The following GABRB1 variants were observed in gnomAD, a reference collection of about 807,000 sequenced individuals.
GABRB1 encodes gamma-aminobutyric acid type A receptor subunit beta1, also known as gamma-aminobutyric acid receptor subunit beta-1.
In GABRB1, 17 loss-of-function variants were observed where a neutral mutation model predicts 51.6. That is an observed-to-expected ratio of 0.33 (90% CI 0.23 to 0.49). The LOEUF (loss-of-function observed/expected upper bound fraction) is 0.49, where lower values mean the gene tolerates loss of function less well. Ranked by LOEUF, GABRB1 falls within the 20% of genes least tolerant of loss-of-function variation. The pLI is 0.99. For synonymous variants in GABRB1, 247 were observed against 218.9 expected, an observed-to-expected ratio of 1.13 and a Z score of -1.14; for missense variants, 410 against 600.6, an observed-to-expected ratio of 0.68 and a Z score of 3.32.
chr4:47,294,470 C>T (rs373318297), intron 4 of GABRB1, among the ~76,000 whole-genome samples: 20 of 152,242 alleles, frequency 1.3e-4, no homozygotes, highest in African/African-American at 2.7e-4. Flanking sequence ...GCACGTGGCT[C>T]GGAGGGTCCT....
At chr4:47,244,171 T>C (rs1445025214) in intron 4 of GABRB1, among the ~76,000 whole-genome samples, 2 of 152,228 alleles carry the variant, frequency 1.3e-5, no homozygotes, top group Non-Finnish European at 2.9e-5. Flanking sequence ...GTTCTGTTTA[T>C]ATGATGGATT....
intron 4 of GABRB1, among the ~76,000 whole-genome samples, chr4:47,242,548 G>T (rs938689777): frequency 6.6e-5 from 10 of 152,168 alleles, no homozygotes; most frequent in African/African-American, 2.4e-4. Context: ...TCCAGCACCT[G>T]TTGTTTCCTG....
chr4:47,251,773 G>A (rs1721997611), intron 4 of GABRB1, among the ~76,000 whole-genome samples: 1 of 152,102 alleles, frequency 6.6e-6, no homozygotes, highest in African/African-American at 2.4e-5. Flanking sequence ...GGAAGTGGGG[G>A]AAAGCTGGCA....
intron 3 of GABRB1, among the ~76,000 whole-genome samples, chr4:47,144,810 T>C (rs948242581): frequency 2.9e-5 from 4 of 139,656 alleles, no homozygotes; most frequent in Non-Finnish European, 6.5e-5. Context: ...GCTTGCCTCA[T>C]ATACACAGAA....
intron 4 of GABRB1, among the ~76,000 whole-genome samples, chr4:47,267,238 G>T (rs757996963): frequency 6.6e-6 from 1 of 151,940 alleles, no homozygotes; most frequent in Non-Finnish European, 1.5e-5. Flanking sequence ...TGCCTTCATA[G>T]AAAGAGAGAT....
intron 3 of GABRB1, among the ~76,000 whole-genome samples, chr4:47,140,462 T>A (rs928312735): frequency 1.3e-5 from 2 of 151,684 alleles, no homozygotes; most frequent in African/African-American, 4.8e-5. Flanking sequence ...ATCTAGAAAA[T>A]CCCAAAAGAG....
chr4:47,214,513 A>G (rs1720480164), intron 4 of GABRB1, among the ~76,000 whole-genome samples: 1 of 152,162 alleles, frequency 6.6e-6, no homozygotes, highest in African/African-American at 2.4e-5. Flanking sequence ...TGTAGGGCTT[A>G]TGAGAGAATG....
intron 4 of GABRB1, among the ~76,000 whole-genome samples, chr4:47,203,595 A>T (rs1719982367): frequency 6.6e-6 from 1 of 152,096 alleles, no homozygotes; most frequent in South Asian, 2.1e-4. Context: ...TGTTACAACC[A>T]TCACTCCACT....
chr4:47,013,873 G>C (rs1170488406), intron 1 of GABRB1, among the ~76,000 whole-genome samples: 1 of 152,172 alleles, frequency 6.6e-6, no homozygotes, highest in Non-Finnish European at 1.5e-5. Context: ...CACCAAAATA[G>C]AATTTTGCAT....
intron 5 of GABRB1, among the ~76,000 whole-genome samples, chr4:47,402,168 T>C (rs972789849): frequency 1.6e-4 from 24 of 152,292 alleles, no homozygotes; most frequent in African/African-American, 5.5e-4. Context: ...TTTCTTACAT[T>C]CTGCAAGGAC....
At chr4:47,225,930 G>A (rs1246538669) in intron 4 of GABRB1, among the ~76,000 whole-genome samples, 1 of 152,026 alleles carries the variant, frequency 6.6e-6, no homozygotes, top group Non-Finnish European at 1.5e-5. Context: ...CTTTAAATAG[G>A]GTTAAATCTA....
At chr4:47,204,365 G>C (rs1234876364) in intron 4 of GABRB1, among the ~76,000 whole-genome samples, 3 of 152,162 alleles carry the variant, frequency 2.0e-5, no homozygotes, top group African/African-American at 7.2e-5. Flanking sequence ...GGGCCACAAA[G>C]TCACAATGGT....
chr4:47,288,237 T>A (rs1479679884), intron 4 of GABRB1, among the ~76,000 whole-genome samples: 1 of 142,692 alleles, frequency 7.0e-6, no homozygotes, highest in Non-Finnish European at 1.5e-5. Flanking sequence ...AGAACAGGGC[T>A]TATTACTATT....
intron 1 of GABRB1, among the ~76,000 whole-genome samples, chr4:47,018,230 G>A (rs1322449848): frequency 2.0e-5 from 3 of 148,660 alleles, no homozygotes; most frequent in Non-Finnish European, 4.5e-5. Flanking sequence ...CTCTCCATAT[G>A]TTGCCCAGGT....
At chr4:47,377,408 C>G (rs1328920788) in intron 5 of GABRB1, among the ~76,000 whole-genome samples, 3 of 149,008 alleles carry the variant, frequency 2.0e-5, no homozygotes, top group Non-Finnish European at 3.0e-5. Flanking sequence ...CGGAAGTGTT[C>G]GAAGTTTCTT....
At chr4:47,359,390 G>T (rs1439245913) in intron 5 of GABRB1, among the ~76,000 whole-genome samples, 1 of 152,106 alleles carries the variant, frequency 6.6e-6, no homozygotes, top group African/African-American at 2.4e-5. Context: ...TCTTGAATTT[G>T]TAGAGAACTT....
At chr4:47,101,997 A>G (rs185747822) in intron 3 of GABRB1, among the ~76,000 whole-genome samples, 123 of 152,112 alleles carry the variant, frequency 8.1e-4, no homozygotes, top group Non-Finnish European at 1.5e-3. Flanking sequence ...TCTTTGTCAG[A>G]GCTCAAATAA....
intron 7 of GABRB1, among the ~76,000 whole-genome samples, chr4:47,406,065 T>C (rs184451136): frequency 2.0e-5 from 3 of 152,310 alleles, no homozygotes; most frequent in African/African-American, 7.2e-5. Context: ...GCAACAAGAT[T>C]ATAGTAAATG....
chr4:47,335,126 T>C (rs1040868364), intron 5 of GABRB1, among the ~76,000 whole-genome samples: 6 of 152,160 alleles, frequency 3.9e-5, no homozygotes, highest in Admixed American at 3.3e-4. Context: ...CAGTAATCGT[T>C]TTAGCATGAA....
Sources: allele counts gnomAD v4.1 joint callset (sites outside exome capture counted in the v4.1 genomes callset), GRCh38; gene constraint gnomAD v4.1.1; transcripts MANE v1.5; gene names NCBI Gene and HGNC (gene_info 2026-07-23, HGNC 2026-07-21).